TRDN: variants seen among roughly 807,000 people sequenced by gnomAD.
TRDN encodes triadin in skeletal muscle.
TRDN carries 161 observed loss-of-function variants against 149.7 expected under a neutral mutation model. The ratio of observed to expected loss-of-function variants is 1.08; its 90% CI spans 0.95 to 1.23. The LOEUF is 1.23. TRDN is among the 50% of genes most tolerant of loss of function. The pLI, the probability that TRDN is intolerant of heterozygous loss-of-function variation, is 0.00. For synonymous variants in TRDN, 294 were observed against 250.5 expected (o/e 1.17, Z -1.64); for missense variants, 896 against 823.5 (o/e 1.09, Z -1.08).
Position 123,224,080 on chromosome 6 carries a change from A to G in TRDN, c.2014+13T>C. The G allele has an allele frequency of 6.2e-7, 1 of 1,609,654 alleles. No individual in the cohort carries two copies. The highest frequency in any genetic ancestry group is 8.5e-7 in the Non-Finnish European group (1 of 1,177,544). On this transcript the variant is annotated intron_variant, in intron 39 of 40. Transcript: ENST00000334268. The stretch of plus-strand genomic sequence containing the variant: ...GAGAAAACTTGTAAATGATCCAAAG[A>G]CAGCAAACTCACCTTTAGCTTTCTT...
chr6:123,612,212 T>C (rs1336961380), intron 1 of TRDN, among the ~76,000 whole-genome samples: 7 of 124,232 alleles, frequency 5.6e-5, no homozygotes, highest in African/African-American at 2.2e-4. Context: ...CTGGCCAACA[T>C]GGTGAAACCC....
intron 24 of TRDN, among the ~76,000 whole-genome samples, chr6:123,308,096 A>C (rs1778680343): frequency 6.6e-6 from 1 of 151,956 alleles, no homozygotes; most frequent in Non-Finnish European, 1.5e-5. Flanking sequence ...CCCAGTTATA[A>C]CTGAGAACTT....
chr6:123,249,520 G>C (rs1050354922), intron 38 of TRDN, among the ~76,000 whole-genome samples: 1 of 152,030 alleles, frequency 6.6e-6, no homozygotes, highest in Non-Finnish European at 1.5e-5. Context: ...CAAAGTCATG[G>C]AATCAACCTA....
At chr6:123,529,350 A>G in intron 5 of TRDN, 1 of 1,548,054 alleles carries the variant, frequency 6.5e-7, no homozygotes, top group East Asian at 2.4e-5. Flanking sequence ...AGGAGACATT[A>G]GTTTCCTAAG....
intron 31 of TRDN, 22 bp downstream of exon 31, chr6:123,269,827 T>G: frequency 6.2e-7 from 1 of 1,608,820 alleles, no homozygotes; most frequent in Non-Finnish European, 8.5e-7. Flanking sequence ...ATTTCTCAGG[T>G]GTTATTCTAT....
At chr6:123,632,519 A>C (rs1293710916) in intron 1 of TRDN, among the ~76,000 whole-genome samples, 1 of 152,088 alleles carries the variant, frequency 6.6e-6, no homozygotes, top group African/African-American at 2.4e-5. Context: ...TTTTCATTTA[A>C]CTGTGCCTTT....
At chr6:123,595,475 C>T (rs571454484) in intron 1 of TRDN, among the ~76,000 whole-genome samples, 61 of 152,146 alleles carry the variant, frequency 4.0e-4, no homozygotes, top group African/African-American at 1.4e-3. Context: ...ATTTGGAAAT[C>T]GAAGTGAGAA....
At chr6:123,279,855 T>C (rs1777520091) in intron 24 of TRDN, among the ~76,000 whole-genome samples, 1 of 152,164 alleles carries the variant, frequency 6.6e-6, no homozygotes, top group African/African-American at 2.4e-5. Flanking sequence ...CTGCCTTCTT[T>C]TAATTTCAAA....
At chr6:123,526,643 C>A (rs1779966136) in intron 5 of TRDN, among the ~76,000 whole-genome samples, 1 of 151,968 alleles carries the variant, frequency 6.6e-6, no homozygotes, top group African/African-American at 2.4e-5. Flanking sequence ...AAATATTAGA[C>A]ATAAAAAATT....
At chr6:123,466,057 C>T (rs910796115) in intron 9 of TRDN, among the ~76,000 whole-genome samples, 2 of 152,166 alleles carry the variant, frequency 1.3e-5, no homozygotes, top group African/African-American at 4.8e-5. Context: ...TACACCCATA[C>T]AGGTTGATTA....
At chr6:123,327,093 G>C (rs1276513866) in intron 23 of TRDN, among the ~76,000 whole-genome samples, 1 of 151,974 alleles carries the variant, frequency 6.6e-6, no homozygotes, top group Non-Finnish European at 1.5e-5. Context: ...AAATATGAGA[G>C]CGGAATTTAA....
At chr6:123,622,547 G>T (rs1257030357) in intron 1 of TRDN, among the ~76,000 whole-genome samples, 1 of 152,046 alleles carries the variant, frequency 6.6e-6, no homozygotes, top group Non-Finnish European at 1.5e-5. Flanking sequence ...AACTTTCAGA[G>T]TCTGTATTTT....
At chr6:123,391,414 C>A (rs1296162281) in intron 13 of TRDN, among the ~76,000 whole-genome samples, 2 of 151,966 alleles carry the variant, frequency 1.3e-5, no homozygotes, top group African/African-American at 4.8e-5. Context: ...ATTAGTTCTT[C>A]AAAATGTTAA....
At chr6:123,604,645 T>C (rs1784439409) in intron 1 of TRDN, among the ~76,000 whole-genome samples, 1 of 152,118 alleles carries the variant, frequency 6.6e-6, no homozygotes. Context: ...ACTCTCAGAA[T>C]GACACGAAGA....
chr6:123,378,603 C>T (rs1438798245), intron 16 of TRDN, among the ~76,000 whole-genome samples: 1 of 152,058 alleles, frequency 6.6e-6, no homozygotes, highest in Non-Finnish European at 1.5e-5. Flanking sequence ...AGGCATGAGC[C>T]ACAGCACCGC....
chr6:123,282,498 A>T (rs1777620011), intron 24 of TRDN, among the ~76,000 whole-genome samples: 2 of 152,052 alleles, frequency 1.3e-5, no homozygotes, highest in South Asian at 2.1e-4. Flanking sequence ...TCATTCATAA[A>T]GAAACTTTCT....
chr6:123,590,488 G>A (rs1200101966), intron 1 of TRDN, among the ~76,000 whole-genome samples: 1 of 152,176 alleles, frequency 6.6e-6, no homozygotes, highest in Admixed American at 6.5e-5. Context: ...AACAGGGCCA[G>A]TCGCTGTGGC....
chr6:123,299,480 T>C (rs1357513775), intron 24 of TRDN, among the ~76,000 whole-genome samples: 1 of 152,032 alleles, frequency 6.6e-6, no homozygotes, highest in African/African-American at 2.4e-5. Context: ...TACACTCAAA[T>C]AAATAGTCCT....
intron 9 of TRDN, among the ~76,000 whole-genome samples, chr6:123,487,244 G>A (rs1036019157): frequency 6.6e-6 from 1 of 151,964 alleles, no homozygotes; most frequent in Non-Finnish European, 1.5e-5. Flanking sequence ...CTTCCTTACT[G>A]CATTATATTT....
Sources: allele counts gnomAD v4.1 joint callset (sites outside exome capture counted in the v4.1 genomes callset), GRCh38; gene constraint gnomAD v4.1.1; transcripts MANE v1.5; gene names NCBI Gene and HGNC (gene_info 2026-07-23, HGNC 2026-07-21).